Variants in DAGLA observed in about 807,000 individuals in gnomAD.
The protein encoded by DAGLA is diacylglycerol lipase-alpha.
A neutral mutation model predicts 102.6 loss-of-function variants in DAGLA; 22 were observed. The observed-to-expected ratio is 0.21, with a 90% CI of 0.15 to 0.31. DAGLA has a LOEUF of 0.31. DAGLA is among the 10% of genes least tolerant of loss of function. The pLI is 1.00. For synonymous variants in DAGLA, 578 were observed against 628.9 expected, an observed-to-expected ratio of 0.92 and a Z score of 1.21; for missense variants, 927 against 1,446.6, an observed-to-expected ratio of 0.64 and a Z score of 5.83.
chr11:61,687,858 A>T (rs2064997806), intron 1 of DAGLA, among the ~76,000 whole-genome samples: 1 of 151,874 alleles, frequency 6.6e-6, no homozygotes, highest in Non-Finnish European at 1.5e-5. Context: ...CTGGGCCTGG[A>T]GTGTTCCTGG....
chr11:61,713,203 A>G (rs1288076437), intron 1 of DAGLA, among the ~76,000 whole-genome samples: 1 of 152,220 alleles, frequency 6.6e-6, no homozygotes, highest in Non-Finnish European at 1.5e-5. Flanking sequence ...GTCTGTAAGA[A>G]GAGGCTTAGA....
intron 18 of DAGLA, 33 bp downstream of exon 18, chr11:61,740,625 A>C: frequency 6.2e-7 from 1 of 1,607,682 alleles, no homozygotes; most frequent in African/African-American, 1.3e-5. Flanking sequence ...ACCACCAGGG[A>C]ATAAGGCACT....
intron 1 of DAGLA, among the ~76,000 whole-genome samples, chr11:61,703,730 G>A (rs1036292222): frequency 6.6e-6 from 1 of 150,942 alleles, no homozygotes; most frequent in African/African-American, 2.4e-5. Flanking sequence ...TGGATTGTAG[G>A]TGCAGCTATG....
intron 1 of DAGLA, among the ~76,000 whole-genome samples, chr11:61,690,962 A>G (rs917059816): frequency 2.6e-5 from 4 of 152,206 alleles, no homozygotes; most frequent in Admixed American, 2.0e-4. Context: ...CGGCCGTGGC[A>G]GGCGGCTTTC....
At chr11:61,740,697 G>C in intron 18 of DAGLA, 105 bp downstream of exon 18, 1 of 1,467,782 alleles carries the variant, frequency 6.8e-7, no homozygotes, top group Non-Finnish European at 9.3e-7. Flanking sequence ...AGACAAGGGT[G>C]CTGGGGCTCA....
At chr11:61,725,895 G>T (rs896868681) in intron 5 of DAGLA, 100 bp from the exon 6 acceptor site, 17 of 1,113,838 alleles carry the variant, frequency 1.5e-5, no homozygotes, top group Non-Finnish European at 4.0e-6. Flanking sequence ...CCCTTTGGTA[G>T]GGTCCTGGGA....
chr11:61,682,488 CG>C (rs905840076), intron 1 of DAGLA, among the ~76,000 whole-genome samples: 4 of 152,142 alleles, frequency 2.6e-5, no homozygotes, highest in African/African-American at 9.7e-5. Flanking sequence ...ACCAGGCCCC[CG>C]GTCTCCAGAG....
At chr11:61,720,940 C>T (rs1180473083) in intron 3 of DAGLA, 50 bp downstream of exon 3, 2 of 1,550,426 alleles carry the variant, frequency 1.3e-6, no homozygotes, top group Non-Finnish European at 1.8e-6. Flanking sequence ...CCCACCTCTC[C>T]ATTCACTCAG....
intron 1 of DAGLA, among the ~76,000 whole-genome samples, chr11:61,700,781 C>T (rs760656408): frequency 3.3e-5 from 5 of 152,224 alleles, no homozygotes; most frequent in African/African-American, 4.8e-5. Flanking sequence ...CCAGCATACC[C>T]ACCTGGGACA....
At chr11:61,714,028 G>A (rs1403880522) in intron 1 of DAGLA, among the ~76,000 whole-genome samples, 1 of 152,186 alleles carries the variant, frequency 6.6e-6, no homozygotes, top group Non-Finnish European at 1.5e-5. Context: ...ACCCTGCAGA[G>A]CGAAAAAGAG....
In DAGLA at chr11:61,735,805, C is replaced by T. The variant is rs1445560400; in HGVS notation, c.1279C>T (p.Leu427=). 1 of 1,610,688 alleles carries T rather than the reference C, an allele frequency of 6.2e-7. No homozygotes were observed. ...LPVEGHHGTW[L]GHKGMVLSAE... is the part of the protein sequence containing the mutation. ...CGTGGAGGGGCACCACGGCACCTGG[C>T]TGGGCCACAAGGTAACCCACGTCAT... The change falls in exon 12 of 20, where the codon CTG becomes TTG. Residue 427 remains leucine (L), a synonymous_variant. Transcript: ENST00000257215.
intron 19 of DAGLA, among the ~76,000 whole-genome samples, chr11:61,742,129 A>G (rs184600672): frequency 8.5e-5 from 13 of 152,290 alleles, no homozygotes; most frequent in Non-Finnish European, 1.3e-4. Context: ...GCTCATGGAA[A>G]TGCATGAATA....
chr11:61,744,359 T>G lies in DAGLA; in HGVS notation c.2999T>G (p.Leu1000Arg). 6.2e-7 allele frequency: 1 copy of G among 1,612,292 alleles called. No homozygotes were observed. Among genetic ancestry groups the G allele is most frequent in the Non-Finnish European group, 8.5e-7 (1 of 1,179,592 alleles). The change falls in exon 20 of 20, where the codon CTC becomes CGC. Residue 1000 changes from leucine (L) to arginine (R), a missense_variant. Leu to Arg is a moderately radical substitution (Grantham distance 102). Coordinates refer to ENST00000257215, the MANE Select transcript of DAGLA (RefSeq NM_006133.3). Reference protein sequence around the residue: ...PSFPLSSSGELMDLTPTGLSS... With the variant: ...PSFPLSSSGERMDLTPTGLSS... ...TTCCCGCTCAGCTCCTCGGGTGAGC[T>G]CATGGACCTGACGCCCACGGGCCTC...
Position 61,686,003 on chromosome 11 carries a change from A to G in DAGLA, c.-45+5499A>G, listed in dbSNP as rs2064983383. 1.3e-5 allele frequency among the ~76,000 whole-genome samples: 2 copies of G among 152,136 alleles called. No homozygotes were observed. Among genetic ancestry groups the G allele is most frequent in the South Asian group, 4.1e-4 (2 of 4,828 alleles). On this transcript the variant is annotated intron_variant, in intron 1 of 19. Transcript: ENST00000257215. The surrounding 1 kb of genome is among the most constrained non-coding windows in gnomAD (Gnocchi z 5.2). ...CTGTGAACGCATGGGCATTCACTGA[A>G]GTGTTCTGAGCAAGGGTTTGGAGGC...
rs1475118479 is a variant in DAGLA, at chr11:61,733,802, G to A, written c.975-1047G>A. On this transcript the variant is annotated intron_variant, in intron 9 of 19. Transcript: ENST00000257215. Reference sequence around the variant, plus strand: ...CAAGGCAAATAGGGCACATGGTGGAGCGGATGGGCACTTTGGACCCACATA... The same window carrying A: ...CAAGGCAAATAGGGCACATGGTGGAACGGATGGGCACTTTGGACCCACATA... Among the ~76,000 whole-genome samples the A allele has an allele frequency of 8.5e-5, 13 of 152,248 alleles. 1 individual carries two copies. Among genetic ancestry groups the A allele is most frequent in the Non-Finnish European group, 1.6e-4 (11 of 68,040 alleles).
chr11:61,735,512 G>A, intron 10 of DAGLA, 49 bp from the exon 11 acceptor site: 2 of 1,560,390 alleles, frequency 1.3e-6, no homozygotes, highest in Non-Finnish European at 1.8e-6. Context: ...CTTTCCCTGA[G>A]TGTGGCCCCA....
At chr11:61,714,258 A>G (rs2065219149) in intron 1 of DAGLA, among the ~76,000 whole-genome samples, 1 of 152,126 alleles carries the variant, frequency 6.6e-6, no homozygotes, top group South Asian at 2.1e-4. Flanking sequence ...CAGCTCTAGG[A>G]TGTGGCTGGA....
Position 61,737,256 on chromosome 11 carries a change from C to T in DAGLA, c.1446C>T (p.Ser482=). Residue 482 remains serine (S), a synonymous_variant, in exon 14 of 20, where the codon TCC becomes TCT. Transcript: ENST00000257215. Reference sequence around the variant, plus strand: ...GCGCGGGCACTGCTGCCATCCTCTCCTTCCTTCTGCGCCCACAGTATCCGA... The same window carrying T: ...GCGCGGGCACTGCTGCCATCCTCTCTTTCCTTCTGCGCCCACAGTATCCGA... ...SLGAGTAAIL[S]FLLRPQYPTL... 1 of 1,613,260 alleles carries T rather than the reference C, an allele frequency of 6.2e-7. No homozygotes were observed. Among genetic ancestry groups the T allele is most frequent in the Non-Finnish European group, 8.5e-7 (1 of 1,180,038 alleles).
At chr11:61,713,079 A>G (rs2065207973) in intron 1 of DAGLA, among the ~76,000 whole-genome samples, 1 of 152,206 alleles carries the variant, frequency 6.6e-6, no homozygotes, top group Admixed American at 6.5e-5. Flanking sequence ...CCGACTCCAC[A>G]GCCTGCTCCG....
Sources: gnomAD v4.1 joint callset for allele counts (sites outside exome capture counted in the v4.1 genomes callset) on GRCh38, gnomAD v4.1.1 for gene constraint, Gnocchi (gnomAD v3.1) non-coding constraint, MANE v1.5 for transcripts, NCBI Gene and HGNC (gene_info 2026-07-23, HGNC 2026-07-21) for gene names.